Variants in KLHL3 observed in about 807,000 individuals in gnomAD.
The protein encoded by KLHL3 is kelch like family member 3, also known as kelch-like protein 3.
In KLHL3, 19 loss-of-function variants were observed where a neutral mutation model predicts 70.5. That is an observed-to-expected ratio of 0.27 (90% CI 0.19 to 0.40). The LOEUF (loss-of-function observed/expected upper bound fraction) is 0.40. KLHL3 is among the 10% of genes least tolerant of loss of function. The pLI, the probability that KLHL3 is intolerant of heterozygous loss-of-function variation, is 1.00. For missense variants in KLHL3, 512 were observed against 771.1 expected (o/e 0.66, Z 3.98); for synonymous variants, 258 against 290.3 (o/e 0.89, Z 1.13).
chr5:137,702,007 A>G (rs576670256), intron 3 of KLHL3, among the ~76,000 whole-genome samples: 23 of 152,210 alleles, frequency 1.5e-4, no homozygotes, highest in Non-Finnish European at 2.6e-4. Context: ...ATATTTGCTC[A>G]TTTATTCAAT....
rs567407874 is a variant in KLHL3, at chr5:137,693,878, G to A, written c.364-1431C>T. Among the ~76,000 whole-genome samples the A allele has an allele frequency of 1.1e-3, 168 of 148,612 alleles. 2 individuals carry two copies. Among genetic ancestry groups the A allele is most frequent in the Non-Finnish European group, 2.0e-3 (137 of 67,230 alleles). On this transcript the variant is annotated intron_variant, in intron 4 of 14. Transcript: ENST00000309755. ...AAAGACTTCTTTTTTTTTTTTTTAA[G>A]TGCTTTAAATTCTGGACTCTTTCTC... is the stretch of plus-strand genomic sequence containing the variant.
chr5:137,680,970 C>T (rs1752010662), intron 5 of KLHL3, among the ~76,000 whole-genome samples: 1 of 151,614 alleles, frequency 6.6e-6, no homozygotes, highest in African/African-American at 2.4e-5. Context: ...GTCAGGGGTT[C>T]AAGACTAGCC....
intron 2 of KLHL3, among the ~76,000 whole-genome samples, chr5:137,717,540 A>AAAAT (rs1554096151): frequency 6.6e-6 from 1 of 152,250 alleles, no homozygotes; most frequent in Non-Finnish European, 1.5e-5. Context: ...CAAAAAAATA[A>AAAAT]AAATAAATAA....
At chr5:137,702,079 C>T (rs534757314) in intron 3 of KLHL3, among the ~76,000 whole-genome samples, 1 of 152,312 alleles carries the variant, frequency 6.6e-6, no homozygotes, top group East Asian at 1.9e-4. Context: ...CCAGAGAATA[C>T]AGTGGTTAAC....
At chr5:137,703,748 G>A (rs985969659) in intron 3 of KLHL3, among the ~76,000 whole-genome samples, 6 of 151,790 alleles carry the variant, frequency 4.0e-5, no homozygotes, top group Non-Finnish European at 5.9e-5. Context: ...GATAGACACC[G>A]CCTCATCACC....
intron 6 of KLHL3, among the ~76,000 whole-genome samples, chr5:137,668,433 C>T (rs1466898350): frequency 6.6e-6 from 1 of 152,010 alleles, no homozygotes; most frequent in Non-Finnish European, 1.5e-5. Flanking sequence ...AAAAAAAACC[C>T]TGGGCAGACT....
At chr5:137,711,398 C>T (rs1340501180) in intron 2 of KLHL3, among the ~76,000 whole-genome samples, 2 of 152,242 alleles carry the variant, frequency 1.3e-5, no homozygotes, top group Non-Finnish European at 2.9e-5. Flanking sequence ...ACTCCAGACA[C>T]AGTGACTTTT....
At chr5:137,631,772 T>TA (rs1383807554) in intron 12 of KLHL3, among the ~76,000 whole-genome samples, 1 of 152,220 alleles carries the variant, frequency 6.6e-6, no homozygotes, top group African/African-American at 2.4e-5. Flanking sequence ...TAGTAAGCCT[T>TA]AACTTTCAAA....
At chr5:137,642,151 G>A (rs1359261311) in intron 8 of KLHL3, among the ~76,000 whole-genome samples, 1 of 152,224 alleles carries the variant, frequency 6.6e-6, no homozygotes, top group Non-Finnish European at 1.5e-5. Context: ...CCGGTTTTGA[G>A]TTGGTAAAGC....
At chr5:137,687,078 T>G (rs1267454973) in intron 5 of KLHL3, among the ~76,000 whole-genome samples, 11 of 34,376 alleles carry the variant, frequency 3.2e-4, no homozygotes, top group African/African-American at 4.3e-4. Flanking sequence ...GTGGGGGGGG[T>G]CAGCCCCCCG....
chr5:137,725,985 G>C (rs1753079673), intron 1 of KLHL3, among the ~76,000 whole-genome samples: 1 of 152,142 alleles, frequency 6.6e-6, no homozygotes, highest in Non-Finnish European at 1.5e-5. Flanking sequence ...TGGGCTTTCA[G>C]CTTCTCTTTT....
chr5:137,716,060 T>A (rs1397819264), intron 2 of KLHL3, among the ~76,000 whole-genome samples: 2 of 152,206 alleles, frequency 1.3e-5, no homozygotes, highest in Non-Finnish European at 1.5e-5. Context: ...GTTATTTATA[T>A]GAGGAACTGG....
intron 5 of KLHL3, among the ~76,000 whole-genome samples, 190 bp from the exon 6 acceptor site, chr5:137,677,844 G>A (rs1751924072): frequency 6.6e-6 from 1 of 152,174 alleles, no homozygotes. Flanking sequence ...CAGCAGTGAT[G>A]GCATCACCCA....
In KLHL3 at chr5:137,658,126, C is replaced by T. The variant is rs780805320; in HGVS notation, c.903+5G>A. 64 of 1,610,422 alleles carry T rather than the reference C, an allele frequency of 4.0e-5. No homozygotes were observed. The highest frequency in any genetic ancestry group is 4.7e-5 in the Non-Finnish European group (56 of 1,179,052). On this transcript the variant is annotated splice_donor_5th_base_variant and intron_variant, in intron 8 of 14. Coordinates refer to ENST00000309755, the MANE Select transcript of KLHL3 (RefSeq NM_017415.3). ...ACTCTTGGTGGTGATTGGGCTGGGG[C>T]TTACCTTGGGAAGGCTGACTGGAGT...
chr5:137,731,080 T>A (rs1753166271), intron 1 of KLHL3, among the ~76,000 whole-genome samples: 1 of 152,084 alleles, frequency 6.6e-6, no homozygotes, highest in Admixed American at 6.5e-5. Context: ...AATAAAGCAC[T>A]TGCTTTAGGA....
At chr5:137,698,142 C>T in intron 4 of KLHL3, 145 bp downstream of exon 4, 1 of 1,045,720 alleles carries the variant, frequency 9.6e-7, no homozygotes, top group Non-Finnish European at 1.4e-6. Flanking sequence ...CCATGTGGCC[C>T]AGGGCAGGTC....
At chr5:137,715,376 T>A (rs1752873618) in intron 2 of KLHL3, among the ~76,000 whole-genome samples, 1 of 152,204 alleles carries the variant, frequency 6.6e-6, no homozygotes, top group Admixed American at 6.5e-5. Context: ...GCTTAACCCC[T>A]GGATGGCAAG....
At chr5:137,640,735 C>G (rs1458859693) in intron 8 of KLHL3, among the ~76,000 whole-genome samples, 6 of 151,798 alleles carry the variant, frequency 4.0e-5, no homozygotes, top group East Asian at 1.9e-4. Flanking sequence ...GGCCAGCCAC[C>G]CCCCCCAACT....
At chr5:137,735,019 G>A (rs1366282677) in intron 1 of KLHL3, among the ~76,000 whole-genome samples, 2 of 152,178 alleles carry the variant, frequency 1.3e-5, no homozygotes, top group African/African-American at 4.8e-5. Flanking sequence ...AGACCTTCCA[G>A]TATCACTCAT....
Sources: gnomAD v4.1 joint callset for allele counts (sites outside exome capture counted in the v4.1 genomes callset) on GRCh38, gnomAD v4.1.1 for gene constraint, MANE v1.5 for transcripts, NCBI Gene and HGNC (gene_info 2026-07-23, HGNC 2026-07-21) for gene names.